The following OR51E2 variants were observed in gnomAD, a reference collection of about 807,000 sequenced individuals.
OR51E2 encodes olfactory receptor family 51 subfamily E member 2.
A neutral mutation model predicts 13.7 loss-of-function variants in OR51E2; 14 were observed. The observed-to-expected ratio is 1.02, with a 90% CI of 0.68 to 1.60. The LOEUF is 1.60. OR51E2 is among the 40% of genes most tolerant of loss of function. The pLI, the probability that OR51E2 is intolerant of heterozygous loss-of-function variation, is 0.00. For missense variants in OR51E2, 483 were observed against 413.8 expected, an observed-to-expected ratio of 1.17 and a Z score of -1.45; for synonymous variants, 180 against 157.6, an observed-to-expected ratio of 1.14 and a Z score of -1.07.
rs138881206 is a variant in OR51E2 at position 4,689,700 on chromosome 11, G to T, written c.-50-6939C>A. Among the ~76,000 whole-genome samples, 21 of 152,252 alleles carry T rather than the reference G, an allele frequency of 1.4e-4. 1 individual carries two copies. The highest frequency in any genetic ancestry group is 4.8e-4 in the African/African-American group (20 of 41,560). On this transcript the variant is annotated intron_variant, in intron 1 of 1. Coordinates refer to ENST00000396950, the MANE Select transcript of OR51E2 (RefSeq NM_030774.4). Reference sequence around the variant, plus strand: ...ATGACACAAATTTAAAAATTCATAAGTAAATGACCATAATTCATTTGTAGT... The same window carrying T: ...ATGACACAAATTTAAAAATTCATAATTAAATGACCATAATTCATTTGTAGT...
intron 1 of OR51E2, among the ~76,000 whole-genome samples, chr11:4,695,343 A>G (rs1847643349): frequency 1.3e-5 from 2 of 152,126 alleles, no homozygotes; most frequent in African/African-American, 2.4e-5. Context: ...AGTCTGCAAT[A>G]CTCAAGTTTT....
At chr11:4,688,956 T>C (rs1437754189) in intron 1 of OR51E2, among the ~76,000 whole-genome samples, 1 of 152,192 alleles carries the variant, frequency 6.6e-6, no homozygotes, top group African/African-American at 2.4e-5. Flanking sequence ...GGGATATTAG[T>C]ATATATTAGA....
At position 4,682,181 on chromosome 11, in the gene OR51E2, A is replaced by G. The variant is rs1220401164; in HGVS notation, c.531T>C (p.Tyr177=). ...FCHSNVLSHS[Y]CVHQDVMKLA... Reference sequence around the variant, plus strand: ...ACTTCATTACATCCTGGTGGACACAATAGGAGTGCGAGAGGACATTGGAGT... The same window carrying G: ...ACTTCATTACATCCTGGTGGACACAGTAGGAGTGCGAGAGGACATTGGAGT... Residue 177 remains tyrosine (Y), a synonymous_variant, in exon 2 of 2, where the codon TAT becomes TAC. Coordinates refer to ENST00000396950, the MANE Select transcript of OR51E2 (RefSeq NM_030774.4). 4 of 1,614,080 alleles carry G rather than the reference A, an allele frequency of 2.5e-6. No individual in the cohort carries two copies. Among genetic ancestry groups the G allele is most frequent in the African/African-American group, 1.3e-5 (1 of 74,928 alleles).
At chr11:4,691,932 T>C (rs1714488863) in intron 1 of OR51E2, among the ~76,000 whole-genome samples, 1 of 152,218 alleles carries the variant, frequency 6.6e-6, no homozygotes, top group African/African-American at 2.4e-5. Flanking sequence ...ATCTTTCTTC[T>C]CTAGGGCCCT....
At chr11:4,688,829 A>G (rs904074960) in intron 1 of OR51E2, among the ~76,000 whole-genome samples, 1 of 152,228 alleles carries the variant, frequency 6.6e-6, no homozygotes, top group Admixed American at 6.5e-5. Context: ...GGTTAGATGT[A>G]GCATCGGGGT....
intron 1 of OR51E2, among the ~76,000 whole-genome samples, chr11:4,689,896 GT>G (rs1564886950): frequency 1.3e-5 from 2 of 150,430 alleles, no homozygotes; most frequent in African/African-American, 4.9e-5. Flanking sequence ...TAGAGTTGTG[GT>G]TTTTTTTAAT....
intron 1 of OR51E2, chr11:4,691,123 T>C (rs11033352): frequency 0.27 from 122,477 of 456,460 alleles, 17,398 homozygotes; most frequent in Non-Finnish European, 0.29. Context: ...TTGATTCTGG[T>C]GTCTGTGCAT....
In OR51E2 at chr11:4,680,744, A is replaced by G. The variant is rs1847440167; in HGVS notation, c.*1005T>C. 6.6e-6 allele frequency: 1 copy of G among 152,426 alleles called. No individual in the cohort carries two copies. The highest frequency in any genetic ancestry group is 2.1e-4 in the South Asian group (1 of 4,832). 9.4% of individuals were successfully genotyped at this position (152,426 alleles called of 1,614,324 possible). A position where few individuals can be genotyped will look rare whatever the true frequency, so the allele number is the denominator to read the frequency against. ...TGCCAGAACATTGTGAGCACACATGAGATGTTCATTGGCATTATTATTAAG... is the reference window on the plus strand; with the variant it reads ...TGCCAGAACATTGTGAGCACACATGGGATGTTCATTGGCATTATTATTAAG... On this transcript the variant is annotated 3_prime_UTR_variant, in exon 2 of 2. Coordinates refer to ENST00000396950, the MANE Select transcript of OR51E2 (RefSeq NM_030774.4).
At chr11:4,687,784 CT>C (rs1446450508) in intron 1 of OR51E2, among the ~76,000 whole-genome samples, 2 of 152,208 alleles carry the variant, frequency 1.3e-5, no homozygotes, top group Admixed American at 1.3e-4. Flanking sequence ...GAACAAGGTG[CT>C]GTAGGAGCAC....
At chr11:4,692,673 CTCAA>C (rs1450625304) in intron 1 of OR51E2, among the ~76,000 whole-genome samples, 1 of 151,952 alleles carries the variant, frequency 6.6e-6, no homozygotes, top group East Asian at 1.9e-4. Context: ...CTGCAGAGGG[CTCAA>C]TCAATGAGAG....
At chr11:4,686,339 T>C (rs1165146459) in intron 1 of OR51E2, among the ~76,000 whole-genome samples, 1 of 152,130 alleles carries the variant, frequency 6.6e-6, no homozygotes. Flanking sequence ...ATAGAAGAAT[T>C]ACGAAGAGTT....
chr11:4,682,541 C>G lies in OR51E2; in HGVS notation c.171G>C (p.Pro57=). Reference sequence around the variant, plus strand: ...CAAGCATGCAGAGAAAGAGGTACATCGGAGCGTGCAGGCTGCGTTCCGTCC... The same window carrying G: ...CAAGCATGCAGAGAAAGAGGTACATGGGAGCGTGCAGGCTGCGTTCCGTCC... ...IVRTERSLHA[P]MYLFLCMLAA... Residue 57 remains proline (P), a synonymous_variant, in exon 2 of 2, where the codon CCG becomes CCC. Transcript: ENST00000396950. 2 of 1,614,180 alleles carry G rather than the reference C, an allele frequency of 1.2e-6. No homozygotes were observed. Among genetic ancestry groups the G allele is most frequent in the Non-Finnish European group, 1.7e-6 (2 of 1,180,032 alleles).
rs1847671800 is a variant in OR51E2, at chr11:4,697,675, C to T, written c.-73G>A. 1 of 152,652 alleles carries T rather than the reference C, an allele frequency of 6.6e-6. No individual in the cohort carries two copies. The highest frequency in any genetic ancestry group is 1.5e-5 in the Non-Finnish European group (1 of 68,048). The allele number at this position is 152,652 out of a possible 1,614,324, so 9.5% of individuals were successfully genotyped here. A position where few individuals can be genotyped will look rare whatever the true frequency, so the allele number is the denominator to read the frequency against. ...TACAGAGCCCATACAGCAGTTCGGCCTGTTCCTTTCAGGCTGACTCAGAAG... is the reference window on the plus strand; with the variant it reads ...TACAGAGCCCATACAGCAGTTCGGCTTGTTCCTTTCAGGCTGACTCAGAAG... On this transcript the variant is annotated 5_prime_UTR_variant, in exon 1 of 2. Coordinates refer to ENST00000396950, the MANE Select transcript of OR51E2 (RefSeq NM_030774.4).
chr11:4,685,606 C>T (rs949062077), intron 1 of OR51E2, among the ~76,000 whole-genome samples: 25 of 152,202 alleles, frequency 1.6e-4, no homozygotes, highest in Admixed American at 3.3e-4. Flanking sequence ...CTTCATTGCT[C>T]CTAGATTACA....
rs138231892 is a variant in OR51E2 at position 4,681,897 on chromosome 11, C to T, written c.815G>A (p.Arg272His). The part of the protein sequence containing the change: ...RFGNSLHPIV[R>H]VVMGDIYLLL... ...CAGGTAGATGTCACCCATGACAACACGCACAATGGGATGAAGGCTGTTTCC... is the reference window on the plus strand; with the variant it reads ...CAGGTAGATGTCACCCATGACAACATGCACAATGGGATGAAGGCTGTTTCC... The change falls in exon 2 of 2, where the codon CGT becomes CAT. Residue 272 changes from arginine to histidine, a missense_variant. Arg to His is a conservative substitution (Grantham distance 29, BLOSUM62 0). Coordinates refer to ENST00000396950, the MANE Select transcript of OR51E2 (RefSeq NM_030774.4). 5.9e-5 allele frequency: 95 copies of T among 1,614,012 alleles called. No homozygotes were observed. Among genetic ancestry groups the T allele is most frequent in the African/African-American group, 2.3e-4 (17 of 74,902 alleles).
chr11:4,689,081 T>G (rs1589873716), intron 1 of OR51E2, among the ~76,000 whole-genome samples: 1 of 152,310 alleles, frequency 6.6e-6, no homozygotes, highest in South Asian at 2.1e-4. Context: ...AGATGGTACT[T>G]AAAGACATGA....
At chr11:4,688,018 C>T (rs1199168507) in intron 1 of OR51E2, among the ~76,000 whole-genome samples, 1 of 152,076 alleles carries the variant, frequency 6.6e-6, no homozygotes, top group African/African-American at 2.4e-5. Context: ...GTAAACAGAG[C>T]CAGATCATTA....
rs1410878686 is a variant in OR51E2 at position 4,680,736 on chromosome 11, C to A, written c.*1013G>T. ...TATAATAGTGCCAGAACATTGTGAG[C>A]ACACATGAGATGTTCATTGGCATTA... On this transcript the variant is annotated 3_prime_UTR_variant, in exon 2 of 2. Transcript: ENST00000396950. 1 of 152,392 alleles carries A rather than the reference C, an allele frequency of 6.6e-6. No individual in the cohort carries two copies. The highest frequency in any genetic ancestry group is 1.5e-5 in the Non-Finnish European group (1 of 68,034). The allele number at this position is 152,392 out of a possible 1,614,324, so 9.4% of individuals were successfully genotyped here. A position where few individuals can be genotyped will look rare whatever the true frequency, so the allele number is the denominator to read the frequency against.
At chr11:4,693,323 T>C (rs1410372814) in intron 1 of OR51E2, among the ~76,000 whole-genome samples, 2 of 152,194 alleles carry the variant, frequency 1.3e-5, no homozygotes, top group Non-Finnish European at 2.9e-5. Context: ...AGTAGGTTTG[T>C]AGTATTTGGA....
Sources: gnomAD v4.1 joint callset for allele counts (sites outside exome capture counted in the v4.1 genomes callset) on GRCh38, gnomAD v4.1.1 for gene constraint, MANE v1.5 for transcripts, NCBI Gene and HGNC (gene_info 2026-07-23, HGNC 2026-07-21) for gene names.